Variants in TM4SF19 observed in about 807,000 individuals in gnomAD.
TM4SF19 encodes the protein transmembrane 4 L6 family member 19.
In TM4SF19, 17 loss-of-function variants were observed where a neutral mutation model predicts 21.8. The ratio of observed to expected loss-of-function variants is 0.78; its 90% CI spans 0.53 to 1.17. TM4SF19 has a LOEUF of 1.17. Among genes scored for constraint, TM4SF19 ranks in the 50% most tolerant of loss-of-function variants. TM4SF19 has a pLI of 0.00. For missense variants in TM4SF19, 216 were observed against 252.1 expected (o/e 0.86, Z 0.97); for synonymous variants, 107 against 106.7 (o/e 1.00, Z -0.02).
chr3:196,323,866 T>C lies in TM4SF19; in HGVS notation c.581A>G (p.His194Arg). Residue 194 changes from histidine to arginine, a missense_variant, in exon 5 of 5, where the codon CAT (histidine) becomes CGT (arginine). Transcript: ENST00000273695. ...AAGGCCCAGGAGGCTGTTGATGACA[T>C]GAACGACCACCAGGAGAAGCTGGAG... ...SLLQLLLVVVHVINSLLGLFC... is the reference protein window; with the variant it reads ...SLLQLLLVVVRVINSLLGLFC... 6.2e-7 allele frequency: 1 copy of C among 1,614,074 alleles called. No individual in the cohort carries two copies. Among genetic ancestry groups the C allele is most frequent in the Non-Finnish European group, 8.5e-7 (1 of 1,180,012 alleles).
At chr3:196,327,053 T>C (rs1481080212) in intron 2 of TM4SF19, 21 bp from the exon 3 acceptor site, 2 of 1,588,424 alleles carry the variant, frequency 1.3e-6, no homozygotes, top group South Asian at 1.1e-5. Flanking sequence ...GAGAAGAATG[T>C]TGAGATGGGG....
intron 1 of TM4SF19, among the ~76,000 whole-genome samples, chr3:196,335,261 T>G (rs1223955748): frequency 1.4e-4 from 2 of 14,678 alleles, no homozygotes; most frequent in Non-Finnish European, 2.4e-4. Flanking sequence ...ACGGGGAGGG[T>G]GGAGGTAGCA....
At position 196,323,991 on chromosome 3, in the gene TM4SF19, A is replaced by G. The variant is rs36016914; in HGVS notation, c.456T>C (p.Tyr152=). The change falls in exon 5 of 5, where the codon TAT becomes TAC. Residue 152 remains tyrosine, a synonymous_variant. Coordinates refer to ENST00000273695, the MANE Select transcript of TM4SF19 (RefSeq NM_138461.4). The part of the protein sequence containing the change: ...YPFKDLHSRN[Y]LYDRSLWNSV... The stretch of plus-strand genomic sequence containing the variant: ...AGTTCCAGAGCGAACGGTCATACAG[A>G]TAATTCCTATCCCAAAAAATAAGGA... The G allele has an allele frequency of 0.013, 20,508 of 1,613,870 alleles. 175 individuals carry two copies. Among genetic ancestry groups the G allele is most frequent in the Non-Finnish European group, 0.015 (17,263 of 1,179,912 alleles).
intron 1 of TM4SF19, among the ~76,000 whole-genome samples, chr3:196,328,260 A>C (rs1361141617): frequency 6.6e-6 from 1 of 151,946 alleles, no homozygotes; most frequent in African/African-American, 2.4e-5. Flanking sequence ...AGATCATGCC[A>C]CTGCACTCCA....
chr3:196,337,494 G>A (rs950037357), intron 1 of TM4SF19, among the ~76,000 whole-genome samples: 3 of 152,172 alleles, frequency 2.0e-5, no homozygotes, highest in African/African-American at 7.2e-5. Flanking sequence ...TTCCTGGTAA[G>A]AGCTCAGGAA....
At chr3:196,336,715 A>G (rs188711308) in intron 1 of TM4SF19, among the ~76,000 whole-genome samples, 45 of 152,262 alleles carry the variant, frequency 3.0e-4, no homozygotes, top group African/African-American at 1.0e-3. Context: ...AAGCAAGATC[A>G]GAAGGTAAAA....
rs761650397 is a variant in TM4SF19 at position 196,324,200 on chromosome 3, G to A, written c.449+71C>T. The A allele has an allele frequency of 7.8e-5, 121 of 1,556,570 alleles. 1 individual carries two copies. The highest frequency in any genetic ancestry group is 9.5e-5 in the Non-Finnish European group (108 of 1,135,736). ...TGTGACCCAAAGGAGCTTGTAGTTC[G>A]TCTGTGTGTCTTTTTGTCTCTCTCT... On this transcript the variant is annotated intron_variant, in intron 4 of 4. Coordinates refer to ENST00000273695, the MANE Select transcript of TM4SF19 (RefSeq NM_138461.4).
At chr3:196,331,280 A>C (rs1218359331) in intron 1 of TM4SF19, among the ~76,000 whole-genome samples, 1 of 149,040 alleles carries the variant, frequency 6.7e-6, no homozygotes, top group Non-Finnish European at 1.5e-5. Context: ...CTATCTAAAA[A>C]AAAAATATAT....
chr3:196,331,295 A>G (rs1052283821), intron 1 of TM4SF19, among the ~76,000 whole-genome samples: 1 of 149,726 alleles, frequency 6.7e-6, no homozygotes, highest in African/African-American at 2.5e-5. Flanking sequence ...ATATATATAT[A>G]TACATATATA....
Position 196,324,126 on chromosome 3 carries a change from T to G in TM4SF19, c.450-129A>C. 2.1e-6 allele frequency: 3 copies of G among 1,427,168 alleles called. No homozygotes were observed. The African/African-American group carries it at 4.2e-5, about 20-fold the overall frequency. The allele number at this position is 1,427,168 out of a possible 1,614,324, so 88.4% of individuals were successfully genotyped here. A position where few individuals can be genotyped will look rare whatever the true frequency, so the allele number is the denominator to read the frequency against. On this transcript the variant is annotated intron_variant, in intron 4 of 4. Transcript: ENST00000273695. ...CTGGGCTCATGAGGGTGACCGTTAC[T>G]GCTCCATTTGCAATTTTCTGAGTAT...
chr3:196,327,843 GT>G (rs1484953299), intron 1 of TM4SF19, among the ~76,000 whole-genome samples: 1 of 152,164 alleles, frequency 6.6e-6, no homozygotes, highest in Non-Finnish European at 1.5e-5. Context: ...ATCATATTTT[GT>G]TTATGCCTCT....
intron 1 of TM4SF19, among the ~76,000 whole-genome samples, chr3:196,330,910 G>A (rs1727479596): frequency 6.6e-6 from 1 of 152,106 alleles, no homozygotes; most frequent in Non-Finnish European, 1.5e-5. Context: ...ATTATAAAAT[G>A]CCTCTTCCAC....
intron 4 of TM4SF19, 108 bp from the exon 5 acceptor site, chr3:196,324,105 G>T: frequency 6.9e-7 from 1 of 1,446,660 alleles, no homozygotes; most frequent in Non-Finnish European, 9.6e-7. Flanking sequence ...ATGGGACTGG[G>T]CTCATGAGGG....
chr3:196,327,451 A>C lies in TM4SF19; in HGVS notation c.140T>G (p.Leu47Trp), dbSNP rs1215245020. Residue 47 changes from leucine to tryptophan, a missense_variant, in exon 2 of 5, where the codon TTG becomes TGG. Leu to Trp is a moderately conservative substitution (Grantham distance 61, BLOSUM62 -2). Transcript: ENST00000273695. Reference sequence around the variant, plus strand: ...GGCATGCCTGCCAAGGAGGCCCCTCAACAGGTAGGTGACATCCCAGTTAGG... The same window carrying C: ...GGCATGCCTGCCAAGGAGGCCCCTCCACAGGTAGGTGACATCCCAGTTAGG... ...LLPNWDVTYL[L>W]RGLLGRHAML... 1 of 1,614,166 alleles carries C rather than the reference A, an allele frequency of 6.2e-7. No homozygotes were observed. Among genetic ancestry groups the C allele is most frequent in the Non-Finnish European group, 8.5e-7 (1 of 1,180,030 alleles).
At chr3:196,329,434 CT>C (rs1428198049) in intron 1 of TM4SF19, among the ~76,000 whole-genome samples, 4 of 126,358 alleles carry the variant, frequency 3.2e-5, no homozygotes, top group Admixed American at 9.0e-5. Flanking sequence ...GAGAAAAACA[CT>C]GGGACCTTGG....
chr3:196,337,559 T>A (rs897243706), intron 1 of TM4SF19, among the ~76,000 whole-genome samples: 3 of 152,148 alleles, frequency 2.0e-5, no homozygotes, highest in African/African-American at 4.8e-5. Context: ...GGAGTTTAGC[T>A]GGTGTGTGTG....
At chr3:196,332,848 ATTTTTT>A (rs544134464) in intron 1 of TM4SF19, among the ~76,000 whole-genome samples, 16 of 120,864 alleles carry the variant, frequency 1.3e-4, no homozygotes, top group Non-Finnish European at 3.4e-5. Context: ...TCAACTTACA[ATTTTTT>A]TTTTTTTTTT....
At chr3:196,324,234 G>C (rs757644325) in intron 4 of TM4SF19, 37 bp downstream of exon 4, 13 of 1,596,758 alleles carry the variant, frequency 8.1e-6, no homozygotes, top group South Asian at 3.3e-5. Context: ...CTCTCTCTCT[G>C]TCTGAAAAGA....
Position 196,337,625 on chromosome 3 carries a change from G to C in TM4SF19, c.-2+639C>G, listed in dbSNP as rs571807060. On this transcript the variant is annotated intron_variant, in intron 1 of 4. Coordinates refer to ENST00000273695, the MANE Select transcript of TM4SF19 (RefSeq NM_138461.4). ...GGAAAAACGCCTCAAGTGAGCATGC[G>C]CACGACTTCAGTAAACACACTGCGC... 1.4e-3 allele frequency among the ~76,000 whole-genome samples: 214 copies of C among 152,252 alleles called. 2 individuals carry two copies. Among genetic ancestry groups the C allele is most frequent in the Admixed American group, 3.1e-3 (47 of 15,284 alleles).
Sources: allele counts gnomAD v4.1 joint callset (sites outside exome capture counted in the v4.1 genomes callset), GRCh38; gene constraint gnomAD v4.1.1; transcripts MANE v1.5; gene names NCBI Gene and HGNC (gene_info 2026-07-23, HGNC 2026-07-21).